The following GALNT13 variants were observed in gnomAD, a reference collection of about 807,000 sequenced individuals.
The protein encoded by GALNT13 is polypeptide N-acetylgalactosaminyltransferase 13, also known as UDP-GalNAc:polypeptide N-acetylgalactosaminyltransferase 13.
In GALNT13, 28 loss-of-function variants were observed where a neutral mutation model predicts 64.2. The observed-to-expected ratio is 0.44, with a 90% CI of 0.32 to 0.60. The LOEUF is 0.60. GALNT13 is among the 20% of genes least tolerant of loss of function. The pLI, the probability that GALNT13 is intolerant of heterozygous loss-of-function variation, is 0.05. For missense variants in GALNT13, 577 were observed against 669.8 expected (o/e 0.86, Z 1.53); for synonymous variants, 214 against 224.6 (o/e 0.95, Z 0.42).
the GALNT13 span, among the ~76,000 whole-genome samples, chr2:153,644,379 T>C: frequency 3.3e-5 from 5 of 152,092 alleles, no homozygotes; most frequent in African/African-American, 1.2e-4. Flanking sequence ...CCTTTCACCA[T>C]TCAATTTGAT....
chr2:153,070,806 C>T, the GALNT13 span, among the ~76,000 whole-genome samples: 3 of 152,048 alleles, frequency 2.0e-5, no homozygotes, highest in African/African-American at 7.2e-5. Flanking sequence ...TATAAAAAAC[C>T]TCTGTGTTTG....
chr2:154,054,385 G>C (rs914203055), intron 3 of GALNT13, among the ~76,000 whole-genome samples: 2 of 151,698 alleles, frequency 1.3e-5, no homozygotes, highest in African/African-American at 4.8e-5. Flanking sequence ...CTTTTCCTCT[G>C]CTATTATTCA....
chr2:154,026,644 A>G (rs1354037157), intron 3 of GALNT13, among the ~76,000 whole-genome samples: 7 of 152,102 alleles, frequency 4.6e-5, no homozygotes, highest in Admixed American at 3.9e-4. Context: ...TTATCATTCT[A>G]CCTTTCTCTT....
chr2:153,592,978 C>T, the GALNT13 span: 1 of 152,232 alleles, frequency 6.6e-6, no homozygotes. Context: ...TCACAAAGAT[C>T]CGTCAGGAGG....
the GALNT13 span, among the ~76,000 whole-genome samples, chr2:153,648,791 C>A: frequency 6.6e-6 from 1 of 152,086 alleles, no homozygotes; most frequent in South Asian, 2.1e-4. Flanking sequence ...TATGTTGAAC[C>A]AGCCTTGCAT....
the GALNT13 span, among the ~76,000 whole-genome samples, chr2:153,556,939 A>T: frequency 0.014 from 2,171 of 152,194 alleles, 44 homozygotes; most frequent in African/African-American, 0.05. Flanking sequence ...CCCACCTAAC[A>T]TTTCCAATAA....
At chr2:153,971,339 T>G (rs146453892) in intron 3 of GALNT13, among the ~76,000 whole-genome samples, 1 of 152,116 alleles carries the variant, frequency 6.6e-6, no homozygotes, top group African/African-American at 2.4e-5. Flanking sequence ...ACATATTATG[T>G]TTTACTTATT....
At chr2:153,259,903 C>G in the GALNT13 span, among the ~76,000 whole-genome samples, 12 of 151,876 alleles carry the variant, frequency 7.9e-5, no homozygotes, top group Non-Finnish European at 1.5e-4. Flanking sequence ...TCCTGTCTTC[C>G]TCTTAGTGAA....
At chr2:153,912,050 G>A (rs1046031683) in intron 2 of GALNT13, among the ~76,000 whole-genome samples, 1 of 152,080 alleles carries the variant, frequency 6.6e-6, no homozygotes, top group Non-Finnish European at 1.5e-5. Flanking sequence ...CAATGTCATA[G>A]ATTTGGTCTC....
the GALNT13 span, among the ~76,000 whole-genome samples, chr2:153,745,215 C>T: frequency 3.2e-3 from 481 of 152,056 alleles, 5 homozygotes; most frequent in African/African-American, 0.011. Context: ...GGTGGTTAGA[C>T]AAAAACTGAT....
At chr2:154,310,390 C>T (rs1208402758) in intron 9 of GALNT13, among the ~76,000 whole-genome samples, 1 of 152,050 alleles carries the variant, frequency 6.6e-6, no homozygotes. Context: ...ACCATGTATC[C>T]TTCAAATCTT....
chr2:153,479,124 C>G, the GALNT13 span, among the ~76,000 whole-genome samples: 1 of 152,180 alleles, frequency 6.6e-6, no homozygotes, highest in Admixed American at 6.5e-5. Flanking sequence ...AACTGGGACA[C>G]ACGAGCTCTG....
chr2:154,033,389 G>A (rs1329157718), intron 3 of GALNT13, among the ~76,000 whole-genome samples: 1 of 151,838 alleles, frequency 6.6e-6, no homozygotes, highest in East Asian at 1.9e-4. Flanking sequence ...ACCACAGACT[G>A]GGAGAACATA....
the GALNT13 span, among the ~76,000 whole-genome samples, chr2:153,255,212 A>C: frequency 0.13 from 18,077 of 143,158 alleles, 1,346 homozygotes; most frequent in Non-Finnish European, 0.18. Context: ...TGATCCCTTT[A>C]CCATTATGTA....
chr2:153,415,077 T>C, the GALNT13 span, among the ~76,000 whole-genome samples: 1 of 152,102 alleles, frequency 6.6e-6, no homozygotes, highest in Non-Finnish European at 1.5e-5. Context: ...TCTTAATATG[T>C]CAATTTGGCC....
intron 9 of GALNT13, among the ~76,000 whole-genome samples, chr2:154,385,976 A>C (rs1698495689): frequency 6.6e-6 from 1 of 152,120 alleles, no homozygotes; most frequent in Admixed American, 6.6e-5. Flanking sequence ...AATGCAAAAC[A>C]ATAGCAACAA....
chr2:153,996,593 T>C (rs575080259), intron 3 of GALNT13, among the ~76,000 whole-genome samples: 1 of 152,290 alleles, frequency 6.6e-6, no homozygotes, highest in East Asian at 1.9e-4. Context: ...GTCAGATGCA[T>C]AGTTTGCAAA....
the GALNT13 span, among the ~76,000 whole-genome samples, chr2:153,684,103 G>A: frequency 6.6e-6 from 1 of 150,714 alleles, no homozygotes; most frequent in African/African-American, 2.4e-5. Flanking sequence ...CCAGGCCATG[G>A]GAATAGTCAA....
the GALNT13 span, among the ~76,000 whole-genome samples, chr2:153,530,178 G>T: frequency 1.3e-5 from 2 of 151,738 alleles, no homozygotes; most frequent in African/African-American, 2.4e-5. Flanking sequence ...TATTAGAATT[G>T]ATTAACAAAT....
Sources: gnomAD v4.1 joint callset for allele counts (sites outside exome capture counted in the v4.1 genomes callset) on GRCh38, gnomAD v4.1.1 for gene constraint, MANE v1.5 for transcripts, NCBI Gene and HGNC (gene_info 2026-07-23, HGNC 2026-07-21) for gene names.